TCERG1L: variants seen among roughly 807,000 people sequenced by gnomAD.
TCERG1L encodes the protein transcription elongation regulator 1-like protein.
TCERG1L carries 37 observed loss-of-function variants against 56.3 expected under a neutral mutation model. That is an observed-to-expected ratio of 0.66 (90% CI 0.51 to 0.87). The LOEUF is 0.87. TCERG1L is among the 40% of genes least tolerant of loss of function. The pLI, the probability that TCERG1L is intolerant of heterozygous loss-of-function variation, is 0.00. For synonymous variants in TCERG1L, 324 were observed against 326.3 expected (o/e 0.99, Z 0.08); for missense variants, 799 against 774.2 (o/e 1.03, Z -0.38).
chr10:131,181,615 C>G (rs1010874683), intron 4 of TCERG1L, among the ~76,000 whole-genome samples: 4 of 152,256 alleles, frequency 2.6e-5, no homozygotes, highest in African/African-American at 4.8e-5. Flanking sequence ...GCTGAGCCAG[C>G]CTCATCTGCT....
At chr10:131,160,611 A>T (rs1323550157) in intron 6 of TCERG1L, 1 of 152,162 alleles carries the variant, frequency 6.6e-6, no homozygotes, top group East Asian at 1.9e-4. Context: ...CACGTGGACC[A>T]AGCTACCTCC....
intron 3 of TCERG1L, among the ~76,000 whole-genome samples, chr10:131,271,716 T>C (rs897763400): frequency 6.6e-6 from 1 of 152,100 alleles, no homozygotes; most frequent in Admixed American, 6.5e-5. Context: ...AGAATGCCCA[T>C]GTGGAGGGAA....
intron 4 of TCERG1L, among the ~76,000 whole-genome samples, chr10:131,203,721 C>A (rs1423966211): frequency 1.3e-5 from 2 of 152,146 alleles, no homozygotes; most frequent in African/African-American, 2.4e-5. Context: ...GGAAGGCACT[C>A]TCCTAACTGC....
At chr10:131,174,357 T>A (rs1282313922) in intron 4 of TCERG1L, among the ~76,000 whole-genome samples, 3 of 152,096 alleles carry the variant, frequency 2.0e-5, no homozygotes, top group Admixed American at 2.0e-4. Context: ...CCTGGGAGCC[T>A]CCTTGAAGCT....
At chr10:131,125,518 G>A (rs887844813) in intron 8 of TCERG1L, among the ~76,000 whole-genome samples, 5 of 152,236 alleles carry the variant, frequency 3.3e-5, no homozygotes, top group African/African-American at 1.2e-4. Context: ...ATGTGTGGTT[G>A]TGACAAATGG....
chr10:131,140,837 C>T (rs1237222884), intron 7 of TCERG1L, among the ~76,000 whole-genome samples: 1 of 152,160 alleles, frequency 6.6e-6, no homozygotes, highest in Non-Finnish European at 1.5e-5. Context: ...GGGCTGAGCT[C>T]CTGCCAGGAG....
At chr10:131,206,263 C>A (rs552682439) in intron 4 of TCERG1L, among the ~76,000 whole-genome samples, 2 of 152,188 alleles carry the variant, frequency 1.3e-5, no homozygotes, top group African/African-American at 4.8e-5. Flanking sequence ...TCCTGCGGAC[C>A]GGCTGGCAGC....
intron 8 of TCERG1L, among the ~76,000 whole-genome samples, chr10:131,127,131 G>A (rs987139044): frequency 3.9e-5 from 6 of 152,110 alleles, no homozygotes; most frequent in Non-Finnish European, 5.9e-5. Context: ...AAAAACAAAC[G>A]GCAGGAAACT....
At chr10:131,095,368 C>T (rs561980250) in intron 11 of TCERG1L, 4 of 152,290 alleles carry the variant, frequency 2.6e-5, no homozygotes, top group Admixed American at 6.5e-5. Flanking sequence ...TGGACTGTCC[C>T]GTCGCCACCA....
At chr10:131,170,772 A>G (rs888388517) in intron 4 of TCERG1L, among the ~76,000 whole-genome samples, 14 of 152,190 alleles carry the variant, frequency 9.2e-5, no homozygotes, top group African/African-American at 3.4e-4. Flanking sequence ...AAAGGGCCGC[A>G]GGGACTGGGG....
intron 6 of TCERG1L, among the ~76,000 whole-genome samples, chr10:131,150,969 C>T (rs1351491800): frequency 1.3e-5 from 2 of 152,142 alleles, no homozygotes; most frequent in African/African-American, 2.4e-5. Flanking sequence ...CTTATAAAAC[C>T]ATCAGATCTC....
chr10:131,277,545 C>T (rs1029315011), intron 3 of TCERG1L, among the ~76,000 whole-genome samples: 4 of 152,202 alleles, frequency 2.6e-5, no homozygotes, highest in Admixed American at 6.5e-5. Flanking sequence ...TGCTTAATGA[C>T]GTTTTTGGAA....
Position 131,155,583 on chromosome 10 carries a change from T to C in TCERG1L, c.1034+7539A>G, listed in dbSNP as rs545408548. Among the ~76,000 whole-genome samples, 363 of 152,268 alleles carry C rather than the reference T, an allele frequency of 2.4e-3. 2 individuals are homozygous for C. In the South Asian group the frequency reaches 0.028, roughly 12 times the overall value. ...CACCCTGCTCTTGCACCCAGCAGTG[T>C]CCCAGCTTTCCTCAAACCCAGGGAC... On this transcript the variant is annotated intron_variant, in intron 6 of 11. Coordinates refer to ENST00000368642, the MANE Select transcript of TCERG1L (RefSeq NM_174937.4).
At chr10:131,304,030 C>T (rs1333344645) in intron 3 of TCERG1L, among the ~76,000 whole-genome samples, 2 of 151,974 alleles carry the variant, frequency 1.3e-5, no homozygotes, top group East Asian at 1.9e-4. Flanking sequence ...CACTTTCTCT[C>T]CCTGTCTCTC....
intron 4 of TCERG1L, among the ~76,000 whole-genome samples, chr10:131,230,846 G>C (rs1845842321): frequency 6.6e-6 from 1 of 152,248 alleles, no homozygotes; most frequent in Non-Finnish European, 1.5e-5. Flanking sequence ...GCTCTGGACA[G>C]ATGTGCAGTA....
rs547913807 is a variant in TCERG1L at position 131,169,155 on chromosome 10, C to T, written c.857-2270G>A. Among the ~76,000 whole-genome samples the T allele has an allele frequency of 1.1e-3, 175 of 152,268 alleles. 1 individual carries two copies. The highest frequency in any genetic ancestry group is 2.2e-3 in the Non-Finnish European group (147 of 68,014). On this transcript the variant is annotated intron_variant, in intron 4 of 11. Coordinates refer to ENST00000368642, the MANE Select transcript of TCERG1L (RefSeq NM_174937.4). ...AGCGGTCATCAAGCAGCCTGGACAC[C>T]GGGTCTCTGTCCTGATCCTGCAGGG...
At chr10:131,291,471 G>GGTTGGA (rs1463223392) in intron 3 of TCERG1L, among the ~76,000 whole-genome samples, 4 of 111,038 alleles carry the variant, frequency 3.6e-5, no homozygotes, top group African/African-American at 1.4e-4. Flanking sequence ...GTGTCTCCCA[G>GGTTGGA]GTTGGAGTGC....
intron 4 of TCERG1L, among the ~76,000 whole-genome samples, chr10:131,231,784 A>C (rs1360867971): frequency 6.6e-6 from 1 of 152,166 alleles, no homozygotes; most frequent in East Asian, 1.9e-4. Context: ...TAGCAAAAAA[A>C]AGACCGGGAC....
chr10:131,095,951 G>A (rs1845240959), intron 11 of TCERG1L, among the ~76,000 whole-genome samples: 1 of 152,206 alleles, frequency 6.6e-6, no homozygotes, highest in African/African-American at 2.4e-5. Flanking sequence ...AGGGGAGTAT[G>A]TGGCTTATTG....
Sources: gnomAD v4.1 joint callset for allele counts (sites outside exome capture counted in the v4.1 genomes callset) on GRCh38, gnomAD v4.1.1 for gene constraint, MANE v1.5 for transcripts, NCBI Gene and HGNC (gene_info 2026-07-23, HGNC 2026-07-21) for gene names.